The following ARB2A variants were observed in gnomAD, a reference collection of about 807,000 sequenced individuals.
The protein encoded by ARB2A is cotranscriptional regulator ARB2A.
At chr5:93,918,243 T>C in the ARB2A span, among the ~76,000 whole-genome samples, 2 of 152,220 alleles carry the variant, frequency 1.3e-5, no homozygotes, top group East Asian at 3.9e-4. Context: ...TGTCCTGCTC[T>C]TGTCCAACAA....
At chr5:93,716,548 A>T in the ARB2A span, among the ~76,000 whole-genome samples, 2 of 152,118 alleles carry the variant, frequency 1.3e-5, no homozygotes, top group African/African-American at 4.8e-5. Flanking sequence ...TAATTGATTA[A>T]GTCATAAAGA....
chr5:93,865,808 G>A, the ARB2A span: 141 of 985,270 alleles, frequency 1.4e-4, no homozygotes, highest in Non-Finnish European at 1.6e-4. Flanking sequence ...TTATGGAGGA[G>A]TCACTACTTG....
the ARB2A span, among the ~76,000 whole-genome samples, chr5:93,664,311 C>A: frequency 6.6e-6 from 1 of 152,002 alleles, no homozygotes; most frequent in African/African-American, 2.4e-5. Context: ...AAACTCCTGG[C>A]CTCAAGCAAT....
At chr5:93,682,480 A>G in the ARB2A span, among the ~76,000 whole-genome samples, 1 of 151,994 alleles carries the variant, frequency 6.6e-6, no homozygotes, top group Non-Finnish European at 1.5e-5. Flanking sequence ...ACAGCTCTTG[A>G]ATAAATTTTG....
the ARB2A span, among the ~76,000 whole-genome samples, chr5:93,769,797 T>C: frequency 6.6e-6 from 1 of 152,178 alleles, no homozygotes; most frequent in African/African-American, 2.4e-5. Context: ...TGTCAATAAA[T>C]ACTTTAGTGA....
the ARB2A span, among the ~76,000 whole-genome samples, chr5:93,860,152 G>T: frequency 1.3e-5 from 2 of 152,106 alleles, no homozygotes; most frequent in African/African-American, 4.8e-5. Flanking sequence ...AATTAGCCGG[G>T]TGTTGTGGCA....
At chr5:94,037,090 C>A in the ARB2A span, among the ~76,000 whole-genome samples, 1 of 152,046 alleles carries the variant, frequency 6.6e-6, no homozygotes, top group African/African-American at 2.4e-5. Context: ...TGTAGTTGGG[C>A]TTTCTATGTA....
the ARB2A span, chr5:93,863,193 G>T: frequency 5.3e-5 from 8 of 152,184 alleles, no homozygotes; most frequent in Non-Finnish European, 8.8e-5. Flanking sequence ...AGGAAACCCA[G>T]CAAGGACAAA....
the ARB2A span, among the ~76,000 whole-genome samples, chr5:93,877,745 A>G: frequency 6.6e-6 from 1 of 152,144 alleles, no homozygotes; most frequent in Non-Finnish European, 1.5e-5. Flanking sequence ...CATCGGTTAT[A>G]GTGAGAGGAA....
chr5:93,882,329 C>T, the ARB2A span, among the ~76,000 whole-genome samples: 1 of 151,338 alleles, frequency 6.6e-6, no homozygotes, highest in Non-Finnish European at 1.5e-5. Flanking sequence ...AAATAAGCCA[C>T]TGTCTTACTA....
At chr5:93,859,597 T>C in the ARB2A span, among the ~76,000 whole-genome samples, 1 of 151,928 alleles carries the variant, frequency 6.6e-6, no homozygotes, top group Non-Finnish European at 1.5e-5. Flanking sequence ...AATATGTAAA[T>C]AACACCTACA....
chr5:94,058,589 CA>C, the ARB2A span, among the ~76,000 whole-genome samples: 1 of 152,038 alleles, frequency 6.6e-6, no homozygotes, highest in African/African-American at 2.4e-5. Context: ...TAAAAATTCA[CA>C]GCAAATATAA....
chr5:93,652,354 A>T, the ARB2A span, among the ~76,000 whole-genome samples: 1 of 152,198 alleles, frequency 6.6e-6, no homozygotes, highest in Non-Finnish European at 1.5e-5. Context: ...CATTTTTAAT[A>T]ATCAGAATAA....
At chr5:93,986,133 C>A in the ARB2A span, among the ~76,000 whole-genome samples, 2 of 144,448 alleles carry the variant, frequency 1.4e-5, no homozygotes, top group Non-Finnish European at 3.0e-5. Flanking sequence ...AGGTGAGGAG[C>A]GCCTCTGCCC....
the ARB2A span, among the ~76,000 whole-genome samples, chr5:93,943,581 T>G: frequency 6.6e-6 from 1 of 152,100 alleles, no homozygotes; most frequent in African/African-American, 2.4e-5. Context: ...ATTTTCGTAT[T>G]ATTATCTACT....
At chr5:94,072,679 G>A in the ARB2A span, among the ~76,000 whole-genome samples, 11 of 151,994 alleles carry the variant, frequency 7.2e-5, no homozygotes, top group Non-Finnish European at 1.2e-4. Context: ...CAGGTAAAAT[G>A]GGTCAACAAA....
the ARB2A span, among the ~76,000 whole-genome samples, chr5:94,109,536 T>G: frequency 2.0e-5 from 3 of 152,216 alleles, no homozygotes; most frequent in Non-Finnish European, 2.9e-5. Flanking sequence ...AGACACCAGA[T>G]TCTCCTCAGA....
the ARB2A span, among the ~76,000 whole-genome samples, chr5:94,099,710 A>G: frequency 3.5e-4 from 53 of 151,838 alleles, no homozygotes; most frequent in Middle Eastern, 3.4e-3. Context: ...AAGCCATATG[A>G]TAATCTGAAT....
At chr5:93,798,671 G>A in the ARB2A span, among the ~76,000 whole-genome samples, 1 of 152,072 alleles carries the variant, frequency 6.6e-6, no homozygotes, top group Non-Finnish European at 1.5e-5. Context: ...TTGTATGGAT[G>A]AGAAAACAGA....
Sources: allele counts gnomAD v4.1 joint callset (sites outside exome capture counted in the v4.1 genomes callset), GRCh38; gene constraint gnomAD v4.1.1; transcripts MANE v1.5; gene names NCBI Gene and HGNC (gene_info 2026-07-23, HGNC 2026-07-21).